Variants in POLA2 observed in about 807,000 individuals in gnomAD.
POLA2 encodes the protein DNA polymerase alpha subunit B.
In POLA2, 47 loss-of-function variants were observed where a neutral mutation model predicts 82.8. The observed-to-expected ratio is 0.57, with a 90% CI of 0.45 to 0.72. The LOEUF is 0.72. Ranked by LOEUF, POLA2 falls within the 30% of genes least tolerant of loss-of-function variation. The pLI is 0.00. For missense variants in POLA2, 634 were observed against 728.1 expected, an observed-to-expected ratio of 0.87 and a Z score of 1.49; for synonymous variants, 287 against 286.8, an observed-to-expected ratio of 1.00 and a Z score of -0.01.
chr11:65,265,114 A>G (rs1220047221), intron 1 of POLA2, among the ~76,000 whole-genome samples: 1 of 152,092 alleles, frequency 6.6e-6, no homozygotes, highest in Non-Finnish European at 1.5e-5. Flanking sequence ...CTGTAGTCCC[A>G]GCTACTTGGG....
chr11:65,299,418 A>T (rs1949845843), downstream of POLA2, among the ~76,000 whole-genome samples: 2 of 152,104 alleles, frequency 1.3e-5, no homozygotes, highest in African/African-American at 4.8e-5. Context: ...TCTGAGAGGG[A>T]GAGGGAGAGC....
intron 11 of POLA2, among the ~76,000 whole-genome samples, chr11:65,288,349 C>T (rs1327019221): frequency 1.3e-5 from 2 of 152,002 alleles, no homozygotes; most frequent in Admixed American, 1.3e-4. Flanking sequence ...TTCCACCCTT[C>T]GTTGATTTTA....
At chr11:65,303,158 C>T (rs189293336), downstream of POLA2, among the ~76,000 whole-genome samples, 15 of 151,976 alleles carry the variant, frequency 9.9e-5, no homozygotes, top group African/African-American at 2.2e-4. Flanking sequence ...CTGGCTAACA[C>T]GGTGAAACCC....
intron 4 of POLA2, among the ~76,000 whole-genome samples, chr11:65,269,435 C>T (rs919772315): frequency 5.3e-5 from 8 of 150,010 alleles, no homozygotes; most frequent in Admixed American, 1.3e-4. Flanking sequence ...TGCAGTGAGC[C>T]GAGATCGCGC....
rs199587241 is a variant in POLA2 at position 65,295,844 on chromosome 11, A to G, written c.1521-20A>G. The G allele has an allele frequency of 4.6e-4, 737 of 1,601,136 alleles. No individual in the cohort carries two copies. Among genetic ancestry groups the G allele is most frequent in the Non-Finnish European group, 6.0e-4 (699 of 1,169,604 alleles). ...GCCCCCCGGTCAGCTAGTGCTGACAATTTCTCTCTGTCTCTGTAGCTACTA... is the reference window on the plus strand; with the variant it reads ...GCCCCCCGGTCAGCTAGTGCTGACAGTTTCTCTCTGTCTCTGTAGCTACTA... On this transcript the variant is annotated intron_variant, in intron 16 of 17. Transcript: ENST00000265465.
At chr11:65,268,808 A>G in intron 4 of POLA2, 79 bp downstream of exon 4, 2 of 937,690 alleles carry the variant, frequency 2.1e-6, no homozygotes, top group Non-Finnish European at 3.2e-6. Flanking sequence ...GATCTGAGGG[A>G]AAAAATCAAC....
At position 65,284,597 on chromosome 11, in the gene POLA2, C is replaced by T. The variant is rs374287407; in HGVS notation, c.1006+2076C>T. ...GTTGTAGTGCAAGGCGCCATCTCGGCTCACCGCAACCTCCACCTCCCGGGT... is the reference window on the plus strand; with the variant it reads ...GTTGTAGTGCAAGGCGCCATCTCGGTTCACCGCAACCTCCACCTCCCGGGT... On this transcript the variant is annotated intron_variant, in intron 10 of 17. Coordinates refer to ENST00000265465, the MANE Select transcript of POLA2 (RefSeq NM_002689.4). 2.0e-5 allele frequency among the ~76,000 whole-genome samples: 3 copies of T among 151,206 alleles called. No homozygotes were observed. In the East Asian group the frequency reaches 5.8e-4, roughly 29 times the overall value.
At chr11:65,273,011 C>CA (rs537778442) in intron 4 of POLA2, among the ~76,000 whole-genome samples, 4,011 of 129,432 alleles carry the variant, frequency 0.031, 146 homozygotes, top group African/African-American at 0.091. Flanking sequence ...AACTCCATCT[C>CA]AAAAAAAAAA....
At chr11:65,282,842 A>T (rs1202415136) in intron 10 of POLA2, among the ~76,000 whole-genome samples, 1 of 152,238 alleles carries the variant, frequency 6.6e-6, no homozygotes, top group Non-Finnish European at 1.5e-5. Context: ...ATTTACATGC[A>T]GCATGGGCAG....
At chr11:65,302,816 C>T (rs1949865982), downstream of POLA2, among the ~76,000 whole-genome samples, 1 of 151,970 alleles carries the variant, frequency 6.6e-6, no homozygotes, top group Non-Finnish European at 1.5e-5. Context: ...CAGCCTCAAC[C>T]TCCCAGGCTC....
At chr11:65,304,008 C>T (rs1039113586) in intron 8 of POLA2, among the ~76,000 whole-genome samples, 10 of 152,174 alleles carry the variant, frequency 6.6e-5, no homozygotes, top group African/African-American at 2.4e-5. Flanking sequence ...TCAAGTGTGT[C>T]AGATGGAGAA....
intron 13 of POLA2, among the ~76,000 whole-genome samples, chr11:65,290,311 C>T (rs1432988123): frequency 2.0e-5 from 3 of 148,464 alleles, no homozygotes; most frequent in Admixed American, 6.7e-5. Flanking sequence ...CCAAAGCAGG[C>T]GGATCACCTG....
intron 1 of POLA2, among the ~76,000 whole-genome samples, chr11:65,264,276 G>T (rs988739360): frequency 2.4e-4 from 36 of 152,130 alleles, no homozygotes; most frequent in African/African-American, 6.3e-4. Flanking sequence ...GCCATGTTGG[G>T]CAGGCTGATC....
At chr11:65,290,312 G>T (rs905617335) in intron 13 of POLA2, among the ~76,000 whole-genome samples, 1 of 148,650 alleles carries the variant, frequency 6.7e-6, no homozygotes, top group Non-Finnish European at 1.5e-5. Context: ...CAAAGCAGGC[G>T]GATCACCTGA....
intron 6 of POLA2, 141 bp downstream of exon 6, chr11:65,279,064 C>A: frequency 1.5e-6 from 1 of 671,956 alleles, no homozygotes; most frequent in Non-Finnish European, 2.5e-6. Flanking sequence ...CTCATGGAAG[C>A]CCTAGTAATG....
Position 65,295,874 on chromosome 11 carries a change from C to T in POLA2, c.1531C>T (p.Leu511Phe). The T allele has an allele frequency of 1.9e-6, 3 of 1,612,558 alleles. No homozygotes were observed. The highest frequency in any genetic ancestry group is 2.5e-6 in the Non-Finnish European group (3 of 1,178,662). The change falls in exon 17 of 18, where the codon CTC becomes TTC. Residue 511 changes from leucine to phenylalanine, a missense_variant. Leu to Phe is a conservative substitution (Grantham distance 22). Transcript: ENST00000265465. Reference protein sequence around the residue: ...HILTQRSYYPLYPPQEDMAID... With the variant: ...HILTQRSYYPFYPPQEDMAID... ...TCTCTGTCTCTGTAGCTACTACCCACTCTACCCGCCCCAAGAAGACATGGC... is the reference window on the plus strand; with the variant it reads ...TCTCTGTCTCTGTAGCTACTACCCATTCTACCCGCCCCAAGAAGACATGGC...
rs565458845 is a variant in POLA2 at position 65,284,309 on chromosome 11, C to T, written c.1006+1788C>T. ...GGCACATAGTGGGTCTGCATCTCTA[C>T]AAAAAATAAAAACAAAAAAAATCAG... On this transcript the variant is annotated intron_variant, in intron 10 of 17. Transcript: ENST00000265465. Among the ~76,000 whole-genome samples, 3 of 151,956 alleles carry T rather than the reference C, an allele frequency of 2.0e-5. No individual in the cohort carries two copies. In the East Asian group the frequency reaches 5.8e-4, roughly 29 times the overall value.
At chr11:65,280,968 T>TA in intron 7 of POLA2, 24 bp from the exon 8 acceptor site, 2 of 1,611,596 alleles carry the variant, frequency 1.2e-6, no homozygotes, top group Non-Finnish European at 1.7e-6. Context: ...CTGTCATTCT[T>TA]ATGCTGTGAC....
Position 65,268,354 on chromosome 11 carries a change from A to AT in POLA2, c.297-316dup, listed in dbSNP as rs200019638. ...TATATGAAAGTTTATTATTATTATTATTATTTTTTTTTTTTGAGATGGAGT... is the reference window on the plus strand; with the variant it reads ...TATATGAAAGTTTATTATTATTATTATTTATTTTTTTTTTTTGAGATGGAGT... On this transcript the variant is annotated intron_variant, in intron 3 of 17. Coordinates refer to ENST00000265465, the MANE Select transcript of POLA2 (RefSeq NM_002689.4). 1.7e-3 allele frequency among the ~76,000 whole-genome samples: 252 copies of AT among 148,932 alleles called. 1 individual carries two copies. Among genetic ancestry groups the AT allele is most frequent in the Non-Finnish European group, 2.5e-3 (170 of 67,414 alleles).
Sources: allele counts gnomAD v4.1 joint callset (sites outside exome capture counted in the v4.1 genomes callset), GRCh38; gene constraint gnomAD v4.1.1; transcripts MANE v1.5; gene names NCBI Gene and HGNC (gene_info 2026-07-23, HGNC 2026-07-21).